Variants in SRGAP2 observed in about 807,000 individuals in gnomAD.
The protein encoded by SRGAP2 is SLIT-ROBO Rho GTPase-activating protein 2.
A neutral mutation model predicts 57.2 loss-of-function variants in SRGAP2; 15 were observed. The observed-to-expected ratio is 0.26, with a 90% CI of 0.18 to 0.40. The LOEUF (loss-of-function observed/expected upper bound fraction) is 0.40, where lower values mean the gene tolerates loss of function less well. Among genes scored for constraint, SRGAP2 ranks in the 10% least tolerant of loss-of-function variants. The probability of loss-of-function intolerance (pLI) is 1.00; values close to 1 mark genes in which losing one functional copy is unlikely to be tolerated. For missense variants in SRGAP2, 520 were observed against 669.6 expected (o/e 0.78, Z 2.47); for synonymous variants, 249 against 248.0 (o/e 1.00, Z -0.04).
chr1:206,208,538 T>C (rs1350036736), intron 2 of SRGAP2, among the ~76,000 whole-genome samples: 2 of 152,156 alleles, frequency 1.3e-5, no homozygotes, highest in African/African-American at 4.8e-5. Flanking sequence ...TTGCTGTGTG[T>C]TCTGGTGATT....
intron 13 of SRGAP2, among the ~76,000 whole-genome samples, chr1:206,422,443 CTCTT>C (rs1197569370): frequency 1.3e-5 from 2 of 152,104 alleles, no homozygotes; most frequent in African/African-American, 2.4e-5. Flanking sequence ...TTTCTTCCTC[CTCTT>C]TCTTCCATAA....
chr1:206,206,208 A>AG (rs1665901077), intron 2 of SRGAP2, 171 bp downstream of exon 2: 1 of 540,750 alleles, frequency 1.8e-6, no homozygotes, highest in Non-Finnish European at 3.4e-6. Flanking sequence ...GGGCAATGCC[A>AG]GGGGGCCATT....
At chr1:206,209,677 A>G in intron 2 of SRGAP2, among the ~76,000 whole-genome samples, 1 of 151,324 alleles carries the variant, frequency 6.6e-6, no homozygotes, top group South Asian at 2.1e-4. Context: ...TTATGCTTTC[A>G]TATGTAGTTG....
chr1:206,410,036 G>A (rs12092027), intron 10 of SRGAP2, among the ~76,000 whole-genome samples: 7,016 of 152,290 alleles, frequency 0.046, 390 homozygotes, highest in African/African-American at 0.13. Context: ...GGGAAGCGGA[G>A]GTTGCAGTGA....
intron 13 of SRGAP2, among the ~76,000 whole-genome samples, chr1:206,424,438 T>A (rs368123212): frequency 6.6e-6 from 1 of 152,178 alleles, no homozygotes. Context: ...GCGGATCACC[T>A]GAGGTCAGGA....
intron 4 of SRGAP2, among the ~76,000 whole-genome samples, chr1:206,374,271 C>G (rs1233985553): frequency 6.6e-6 from 1 of 151,358 alleles, no homozygotes; most frequent in Non-Finnish European, 1.5e-5. Flanking sequence ...CCGCTTCGGC[C>G]TCCCAAAGTG....
intron 13 of SRGAP2, among the ~76,000 whole-genome samples, chr1:206,427,774 C>T (rs1358478478): frequency 6.6e-6 from 1 of 152,168 alleles, no homozygotes; most frequent in African/African-American, 2.4e-5. Context: ...CTCTTTCTTC[C>T]ACACAGCTGA....
intron 10 of SRGAP2, among the ~76,000 whole-genome samples, chr1:206,411,937 C>T (rs1415940651): frequency 1.3e-5 from 2 of 152,156 alleles, no homozygotes; most frequent in Non-Finnish European, 2.9e-5. Context: ...TGAGTGCCTG[C>T]TCTATGCCAG....
chr1:206,387,125 C>CAA (rs782327960), intron 5 of SRGAP2, among the ~76,000 whole-genome samples: 10,950 of 83,064 alleles, frequency 0.13, 1,066 homozygotes, highest in African/African-American at 0.16. Flanking sequence ...GACTCTGTCT[C>CAA]AAAAAAAAAA....
chr1:206,373,032 TTC>T (rs1293805529), intron 4 of SRGAP2, among the ~76,000 whole-genome samples: 95 of 129,660 alleles, frequency 7.3e-4, no homozygotes, highest in Non-Finnish European at 1.3e-3. Flanking sequence ...TTTCTTTTCT[TTC>T]TCTCTCTCTC....
chr1:206,258,005 G>A (rs1436055582), intron 2 of SRGAP2, among the ~76,000 whole-genome samples: 2 of 152,078 alleles, frequency 1.3e-5, no homozygotes, highest in African/African-American at 2.4e-5. Context: ...GGCTTGGCAC[G>A]GTGCATAAGC....
intron 10 of SRGAP2, among the ~76,000 whole-genome samples, chr1:206,411,428 T>A (rs1299306280): frequency 2.0e-5 from 3 of 152,206 alleles, no homozygotes; most frequent in African/African-American, 7.2e-5. Flanking sequence ...TGAGTACAAA[T>A]GAGTGAATGC....
intron 13 of SRGAP2, 132 bp downstream of exon 13, chr1:206,421,406 T>C: frequency 3.9e-6 from 2 of 508,696 alleles, no homozygotes; most frequent in Non-Finnish European, 7.1e-6. Context: ...TATCATTTAG[T>C]CATAGTATGT....
intron 3 of SRGAP2, among the ~76,000 whole-genome samples, chr1:206,307,357 T>G (rs1393059868): frequency 9.8e-5 from 15 of 152,286 alleles, no homozygotes; most frequent in African/African-American, 3.1e-4. Flanking sequence ...ACTCTCCATG[T>G]CCCCACCAGA....
intron 16 of SRGAP2, 72 bp from the exon 17 acceptor site, chr1:206,439,904 A>C: frequency 1.3e-6 from 1 of 742,726 alleles, no homozygotes; most frequent in Non-Finnish European, 2.5e-6. Context: ...TGCTGGTAGT[A>C]GGGACTTCTG....
rs781785493 is a variant in SRGAP2, at chr1:206,241,911, CGTGTGTGTGT to C, written c.67+35907_67+35916del. 6.4e-3 allele frequency among the ~76,000 whole-genome samples: 672 copies of C among 104,614 alleles called. 33 individuals are homozygous for C. The highest frequency in any genetic ancestry group is 0.023 in the African/African-American group (530 of 22,624). The allele number at this position is 104,614 out of a possible 152,430, so 68.6% of individuals were successfully genotyped here. On this transcript the variant is annotated intron_variant, in intron 2 of 22. Coordinates refer to ENST00000573034, the MANE Select transcript of SRGAP2 (RefSeq NM_015326.5). ...ATTTTTTAATGCTGGGAGGTGTTTG[CGTGTGTGTGT>C]GTGTGTGTGTGTGTGTGTGTGTGTG...
chr1:206,306,855 C>T (rs1672238244), intron 3 of SRGAP2, among the ~76,000 whole-genome samples: 1 of 151,906 alleles, frequency 6.6e-6, no homozygotes, highest in East Asian at 1.9e-4. Flanking sequence ...AAACCTTGAG[C>T]TAGATACAGA....
chr1:206,378,360 G>A (rs754725286), intron 4 of SRGAP2, among the ~76,000 whole-genome samples: 271 of 152,198 alleles, frequency 1.8e-3, no homozygotes, highest in Non-Finnish European at 3.2e-3. Context: ...CACATCTGTC[G>A]TCCCAGCTAC....
At chr1:206,289,817 A>C (rs1671214068) in intron 2 of SRGAP2, among the ~76,000 whole-genome samples, 1 of 152,052 alleles carries the variant, frequency 6.6e-6, no homozygotes, top group East Asian at 1.9e-4. Flanking sequence ...GAATGGCAGC[A>C]CCTTAGATTG....
Sources: allele counts gnomAD v4.1 joint callset (sites outside exome capture counted in the v4.1 genomes callset), GRCh38; gene constraint gnomAD v4.1.1; transcripts MANE v1.5; gene names NCBI Gene and HGNC (gene_info 2026-07-23, HGNC 2026-07-21).